The following OTOGL variants were observed in gnomAD, a reference collection of about 807,000 sequenced individuals.
OTOGL encodes otogelin like.
A neutral mutation model predicts 318.5 loss-of-function variants in OTOGL; 285 were observed. The ratio of observed to expected loss-of-function variants is 0.89; its 90% CI spans 0.81 to 0.99. The LOEUF (loss-of-function observed/expected upper bound fraction) is 0.99. Among genes scored for constraint, OTOGL ranks in the 50% least tolerant of loss-of-function variants. OTOGL has a pLI of 0.00. For synonymous variants in OTOGL, 987 were observed against 936.5 expected, an observed-to-expected ratio of 1.05 and a Z score of -0.99; for missense variants, 2,899 against 2,845.6, an observed-to-expected ratio of 1.02 and a Z score of -0.43.
At chr12:80,270,390 A>G (rs1438203131) in intron 23 of OTOGL, among the ~76,000 whole-genome samples, 1 of 152,176 alleles carries the variant, frequency 6.6e-6, no homozygotes, top group Admixed American at 6.6e-5. Context: ...AGGTCAACCC[A>G]GGGATGCTGC....
chr12:80,228,152 T>C (rs1879040274), intron 7 of OTOGL, among the ~76,000 whole-genome samples: 1 of 152,026 alleles, frequency 6.6e-6, no homozygotes. Flanking sequence ...TAAAACTATA[T>C]TATTGAGGCT....
chr12:80,309,909 G>GGAT (rs1387430335), intron 29 of OTOGL, among the ~76,000 whole-genome samples: 6 of 152,126 alleles, frequency 3.9e-5, no homozygotes, highest in Non-Finnish European at 8.8e-5. Context: ...GTTGAAGCCA[G>GGAT]GACGCGTGTA....
chr12:80,296,830 G>A lies in OTOGL; in HGVS notation c.2932G>A (p.Ala978Thr). ...SDCQVFLIKSADDSDISVIAQ... is the reference protein window; with the variant it reads ...SDCQVFLIKSTDDSDISVIAQ... ...TAAAATATTTGTGACATTTCAGAGT[G>A]CAGATGATTCAGATATATCTGTCAT... The change falls in exon 27 of 59, where the codon GCA (alanine) becomes ACA (threonine). Residue 978 changes from alanine to threonine, a missense_variant. Coordinates refer to ENST00000547103, the MANE Select transcript of OTOGL (RefSeq NM_001378609.3). 6 of 1,489,578 alleles carry A rather than the reference G, an allele frequency of 4.0e-6. No individual in the cohort carries two copies. The highest frequency in any genetic ancestry group is 5.4e-6 in the Non-Finnish European group (6 of 1,111,454). 92.3% of individuals were successfully genotyped at this position (1,489,578 alleles called of 1,614,324 possible).
At chr12:80,306,311 A>G (rs1012781163) in intron 29 of OTOGL, among the ~76,000 whole-genome samples, 2 of 152,220 alleles carry the variant, frequency 1.3e-5, no homozygotes, top group South Asian at 4.1e-4. Flanking sequence ...ATATATTTTT[A>G]TTTATTAATT....
intron 55 of OTOGL, among the ~76,000 whole-genome samples, chr12:80,370,295 C>A (rs570859901): frequency 3.3e-5 from 5 of 152,072 alleles, no homozygotes; most frequent in African/African-American, 1.2e-4. Context: ...TGTTTTATTT[C>A]ACATTTACCT....
intron 7 of OTOGL, among the ~76,000 whole-genome samples, chr12:80,227,703 A>T (rs1017250421): frequency 8.5e-5 from 13 of 152,194 alleles, no homozygotes; most frequent in Non-Finnish European, 1.8e-4. Context: ...ATGGATCCTG[A>T]GAACATTTTA....
At chr12:80,121,667 C>A (rs1870497751) in intron 1 of OTOGL, among the ~76,000 whole-genome samples, 1 of 152,150 alleles carries the variant, frequency 6.6e-6, no homozygotes, top group African/African-American at 2.4e-5. Flanking sequence ...GACACTAAAA[C>A]ACTTCTCTTC....
At chr12:80,230,088 G>A (rs1879230801) in intron 8 of OTOGL, among the ~76,000 whole-genome samples, 1 of 151,720 alleles carries the variant, frequency 6.6e-6, no homozygotes, top group South Asian at 2.1e-4. Flanking sequence ...ATTATTTCCT[G>A]GCTGGATTAT....
chr12:80,343,509 G>GGTTTTTTTT lies in OTOGL; in HGVS notation c.5265+1347_5265+1348insGTTTTTTTT. Reference sequence around the variant, plus strand: ...TACATTTTTATTATTTTTTATTCTTGTTTTTTTTTTTTTTTTTTTTTTTTT... The same window carrying GGTTTTTTTT: ...TACATTTTTATTATTTTTTATTCTTGGTTTTTTTTTTTTTTTTTTTTTTTTTTTTTTTTT... On this transcript the variant is annotated intron_variant, in intron 44 of 58. Coordinates refer to ENST00000547103, the MANE Select transcript of OTOGL (RefSeq NM_001378609.3). 75 of 35,852 alleles carry GGTTTTTTTT rather than the reference G, an allele frequency of 2.1e-3. 18 individuals carry two copies. The highest frequency in any genetic ancestry group is 2.8e-3 in the Non-Finnish European group (55 of 19,830). 2.2% of individuals were successfully genotyped at this position (35,852 alleles called of 1,614,324 possible).
chr12:80,271,839 T>G (rs773114978), intron 24 of OTOGL, 29 bp downstream of exon 24: 15 of 1,584,808 alleles, frequency 9.5e-6, no homozygotes, highest in Non-Finnish European at 1.3e-5. Flanking sequence ...ATACAGAACA[T>G]TCAGGATTTG....
chr12:80,358,596 G>C (rs544127686), intron 50 of OTOGL, 75 bp from the exon 51 acceptor site: 18 of 1,174,156 alleles, frequency 1.5e-5, no homozygotes, highest in Admixed American at 1.3e-4. Context: ...TGTAATGGCA[G>C]TGAACTAAAT....
chr12:80,113,689 A>C (rs1333374272), intron 1 of OTOGL, among the ~76,000 whole-genome samples: 1 of 152,060 alleles, frequency 6.6e-6, no homozygotes, highest in Non-Finnish European at 1.5e-5. Context: ...TATCCTTGTT[A>C]ATTTTTTGTC....
intron 57 of OTOGL, among the ~76,000 whole-genome samples, chr12:80,372,322 T>C (rs1222553149): frequency 2.6e-5 from 4 of 152,124 alleles, no homozygotes; most frequent in Non-Finnish European, 5.9e-5. Flanking sequence ...AAGAAAGTGT[T>C]TGCATTTAGA....
intron 26 of OTOGL, among the ~76,000 whole-genome samples, chr12:80,293,800 G>A (rs979690667): frequency 2.6e-5 from 4 of 151,956 alleles, no homozygotes; most frequent in African/African-American, 4.8e-5. Context: ...AATATAGTTC[G>A]TTTTTTCTGC....
intron 18 of OTOGL, among the ~76,000 whole-genome samples, chr12:80,261,605 T>C (rs1045707428): frequency 1.3e-5 from 2 of 152,100 alleles, no homozygotes; most frequent in African/African-American, 4.8e-5. Context: ...GTTGTGTGAG[T>C]GTATGTGGTT....
chr12:80,228,237 T>A (rs1254165712), intron 7 of OTOGL, among the ~76,000 whole-genome samples: 3 of 152,058 alleles, frequency 2.0e-5, no homozygotes, highest in Non-Finnish European at 2.9e-5. Flanking sequence ...GGTCAGGAGT[T>A]TGAGACCAGC....
At chr12:80,139,948 C>A (rs929679186) in intron 1 of OTOGL, among the ~76,000 whole-genome samples, 15 of 152,118 alleles carry the variant, frequency 9.9e-5, no homozygotes, top group African/African-American at 3.6e-4. Context: ...GACCTATACC[C>A]TCAGATTTTC....
intron 53 of OTOGL, among the ~76,000 whole-genome samples, chr12:80,367,329 C>T (rs1280168060): frequency 1.3e-5 from 2 of 152,040 alleles, no homozygotes; most frequent in South Asian, 2.1e-4. Context: ...GAAGTTCAAT[C>T]ATTAAACAGC....
intron 1 of OTOGL, among the ~76,000 whole-genome samples, chr12:80,191,290 T>C (rs1056849192): frequency 2.0e-5 from 3 of 151,964 alleles, no homozygotes; most frequent in Non-Finnish European, 4.4e-5. Flanking sequence ...ACACAAAAAT[T>C]AGCCAGGCGC....
Sources: gnomAD v4.1 joint callset for allele counts (sites outside exome capture counted in the v4.1 genomes callset) on GRCh38, gnomAD v4.1.1 for gene constraint, MANE v1.5 for transcripts, NCBI Gene and HGNC (gene_info 2026-07-23, HGNC 2026-07-21) for gene names.